The following PAX5 variants were observed in gnomAD, a reference collection of about 807,000 sequenced individuals.
The protein encoded by PAX5 is paired box protein Pax-5.
In PAX5, 9 loss-of-function variants were observed where a neutral mutation model predicts 43.7. The observed-to-expected ratio is 0.21, with a 90% CI of 0.12 to 0.36. The LOEUF (loss-of-function observed/expected upper bound fraction) is 0.36. Among genes scored for constraint, PAX5 ranks in the 10% least tolerant of loss-of-function variants. PAX5 has a pLI of 1.00. For synonymous variants in PAX5, 228 were observed against 214.3 expected (o/e 1.06, Z -0.56); for missense variants, 383 against 532.7 (o/e 0.72, Z 2.77).
intron 6 of PAX5, among the ~76,000 whole-genome samples, chr9:36,965,737 G>A (rs560555295): frequency 1.2e-4 from 18 of 152,332 alleles, no homozygotes; most frequent in African/African-American, 3.8e-4. Flanking sequence ...TCTCTGGTTG[G>A]CCCACCAGGT....
intron 7 of PAX5, among the ~76,000 whole-genome samples, chr9:36,913,797 C>G (rs1309269715): frequency 1.3e-5 from 2 of 152,194 alleles, no homozygotes; most frequent in Non-Finnish European, 2.9e-5. Context: ...AGGTAGAGCC[C>G]TGGGCCGGGC....
intron 6 of PAX5, among the ~76,000 whole-genome samples, chr9:36,946,019 C>A (rs1186386108): frequency 2.6e-5 from 4 of 152,326 alleles, no homozygotes; most frequent in Admixed American, 1.3e-4. Context: ...TATACCTCCC[C>A]CTAAAGGAAC....
intron 5 of PAX5, among the ~76,000 whole-genome samples, chr9:36,992,393 C>G (rs1373748418): frequency 6.6e-6 from 1 of 152,166 alleles, no homozygotes; most frequent in Non-Finnish European, 1.5e-5. Flanking sequence ...TAGTACAGAG[C>G]TAAGCTGGAT....
rs1307333758 is a variant in PAX5 at position 36,848,833 on chromosome 9, T to C, written c.1013-1904A>G. On this transcript the variant is annotated intron_variant, in intron 8 of 9. Transcript: ENST00000358127. ...CCACAAAGTGCAAGTCTCAGGTCCA[T>C]CTGGCTGGAGTTAGTTCATTGTGGA... Among the ~76,000 whole-genome samples, 3 of 152,354 alleles carry C rather than the reference T, an allele frequency of 2.0e-5. No homozygotes were observed. In the South Asian group the frequency reaches 6.2e-4, roughly 32 times the overall value.
At chr9:36,850,168 G>T (rs1314726206) in intron 8 of PAX5, among the ~76,000 whole-genome samples, 1 of 152,238 alleles carries the variant, frequency 6.6e-6, no homozygotes, top group Admixed American at 6.5e-5. Flanking sequence ...CTTCCGTGAG[G>T]CCCCGCAGAG....
chr9:37,010,823 G>A (rs755446582), intron 3 of PAX5, among the ~76,000 whole-genome samples: 15 of 152,130 alleles, frequency 9.9e-5, no homozygotes, highest in Non-Finnish European at 1.8e-4. Flanking sequence ...GCTGCAAGGG[G>A]CCCCACAGGT....
At chr9:36,959,089 C>T (rs1378477797) in intron 6 of PAX5, among the ~76,000 whole-genome samples, 1 of 152,230 alleles carries the variant, frequency 6.6e-6, no homozygotes, top group Non-Finnish European at 1.5e-5. Context: ...TCTTTGTCCA[C>T]CCTAGTGAGG....
intron 5 of PAX5, among the ~76,000 whole-genome samples, chr9:36,994,756 G>C (rs892337268): frequency 1.3e-5 from 2 of 152,136 alleles, no homozygotes; most frequent in Non-Finnish European, 2.9e-5. Context: ...GCTGCCCCAG[G>C]GTTGCCAGAT....
chr9:36,914,055 G>T (rs892054980), intron 7 of PAX5, among the ~76,000 whole-genome samples: 4 of 152,162 alleles, frequency 2.6e-5, no homozygotes, highest in African/African-American at 9.7e-5. Flanking sequence ...ACCTCCAGAG[G>T]GCGTTTTGAA....
chr9:37,005,383 C>CT (rs1171963548), intron 4 of PAX5, among the ~76,000 whole-genome samples: 1 of 152,224 alleles, frequency 6.6e-6, no homozygotes, highest in Non-Finnish European at 1.5e-5. Flanking sequence ...GAAGGGATTA[C>CT]TAAATGAGGA....
At chr9:36,865,549 GC>G (rs1717202420) in intron 8 of PAX5, among the ~76,000 whole-genome samples, 1 of 152,184 alleles carries the variant, frequency 6.6e-6, no homozygotes, top group Admixed American at 6.5e-5. Context: ...AGGGAAGGCA[GC>G]GGGAGAGGCT....
At chr9:37,033,524 A>T (rs1371773999) in intron 1 of PAX5, among the ~76,000 whole-genome samples, 1 of 152,160 alleles carries the variant, frequency 6.6e-6, no homozygotes, top group Non-Finnish European at 1.5e-5. Context: ...TAGTAGACAC[A>T]CATTTTGGAT....
intron 6 of PAX5, among the ~76,000 whole-genome samples, chr9:36,937,123 C>G (rs1831624650): frequency 6.6e-6 from 1 of 152,212 alleles, no homozygotes; most frequent in African/African-American, 2.4e-5. Context: ...CCAGCTCCCC[C>G]TACACCCTCA....
chr9:37,024,815 T>C (rs1048306175), intron 1 of PAX5, among the ~76,000 whole-genome samples: 1 of 151,938 alleles, frequency 6.6e-6, no homozygotes, highest in Admixed American at 6.5e-5. Flanking sequence ...TCTGATGCTA[T>C]CTCCCCAAGG....
At chr9:36,942,888 C>G (rs567712830) in intron 6 of PAX5, among the ~76,000 whole-genome samples, 1 of 152,162 alleles carries the variant, frequency 6.6e-6, no homozygotes, top group East Asian at 1.9e-4. Context: ...GCCTGGTGGC[C>G]GGGCAACGGC....
chr9:36,875,508 G>A (rs924657198), intron 8 of PAX5, among the ~76,000 whole-genome samples: 4 of 152,120 alleles, frequency 2.6e-5, no homozygotes, highest in Non-Finnish European at 5.9e-5. Context: ...ATGATAGGGG[G>A]TCCTGGTTCG....
At chr9:36,943,468 C>CT (rs747161650) in intron 6 of PAX5, among the ~76,000 whole-genome samples, 3 of 150,984 alleles carry the variant, frequency 2.0e-5, no homozygotes, top group Non-Finnish European at 3.0e-5. Context: ...TAAAGCTGAT[C>CT]TTACTTGCTA....
intron 6 of PAX5, among the ~76,000 whole-genome samples, chr9:36,936,204 G>C (rs1431095519): frequency 6.6e-6 from 1 of 152,202 alleles, no homozygotes; most frequent in Non-Finnish European, 1.5e-5. Flanking sequence ...ATGAGAACTG[G>C]GACCCAGTGG....
intron 2 of PAX5, among the ~76,000 whole-genome samples, chr9:37,018,595 G>A (rs1839594695): frequency 1.8e-5 from 1 of 56,426 alleles, no homozygotes; most frequent in Admixed American, 1.9e-4. Context: ...AAAATCTGTG[G>A]ATTGAACGGC....
Sources: gnomAD v4.1 joint callset for allele counts (sites outside exome capture counted in the v4.1 genomes callset) on GRCh38, gnomAD v4.1.1 for gene constraint, MANE v1.5 for transcripts, NCBI Gene and HGNC (gene_info 2026-07-23, HGNC 2026-07-21) for gene names.